Variants in ARID2 observed in about 807,000 individuals in gnomAD.
ARID2 encodes AT-rich interaction domain 2, also known as AT-rich interactive domain-containing protein 2.
In ARID2, 32 loss-of-function variants were observed where a neutral mutation model predicts 184.6. The observed-to-expected ratio is 0.17, with a 90% confidence interval of 0.13 to 0.23. ARID2 has a LOEUF of 0.23. ARID2 is among the 10% of genes least tolerant of loss of function. ARID2 has a pLI of 1.00. For missense variants in ARID2, 1,696 were observed against 2,197.6 expected (o/e 0.77, Z 4.56); for synonymous variants, 836 against 772.6 (o/e 1.08, Z -1.36).
intron 16 of ARID2, among the ~76,000 whole-genome samples, chr12:45,888,086 C>G (rs1051786680): frequency 6.6e-6 from 1 of 151,710 alleles, no homozygotes; most frequent in Non-Finnish European, 1.5e-5. Flanking sequence ...TCCCAGCTAC[C>G]CAGGAGGCTG....
intron 6 of ARID2, among the ~76,000 whole-genome samples, chr12:45,827,717 C>A (rs757187864): frequency 4.6e-5 from 7 of 151,910 alleles, no homozygotes; most frequent in Admixed American, 3.3e-4. Context: ...TAATAGGTGA[C>A]CAGCACTGCA....
chr12:45,872,634 C>T (rs966664408), intron 16 of ARID2, among the ~76,000 whole-genome samples: 4 of 152,172 alleles, frequency 2.6e-5, no homozygotes, highest in African/African-American at 7.2e-5. Context: ...CGTCAGATCT[C>T]GTGAGAACTC....
intron 5 of ARID2, among the ~76,000 whole-genome samples, chr12:45,818,531 A>G (rs1942845280): frequency 6.6e-6 from 1 of 152,094 alleles, no homozygotes; most frequent in South Asian, 2.1e-4. Context: ...AGTTATTGGT[A>G]TAAAGTTATT....
intron 16 of ARID2, among the ~76,000 whole-genome samples, chr12:45,870,668 GT>G (rs1391859095): frequency 6.6e-6 from 1 of 151,840 alleles, no homozygotes; most frequent in Non-Finnish European, 1.5e-5. Context: ...TATTTCTATA[GT>G]TTTCATTTTT....
intron 3 of ARID2, among the ~76,000 whole-genome samples, chr12:45,790,119 A>AAATTATTC (rs1338318946): frequency 1.3e-5 from 2 of 152,152 alleles, no homozygotes; most frequent in Non-Finnish European, 2.9e-5. Flanking sequence ...TTCCATTTTT[A>AAATTATTC]AATTATTCAG....
chr12:45,855,175 T>G (rs1186938094), intron 15 of ARID2, among the ~76,000 whole-genome samples: 1 of 152,244 alleles, frequency 6.6e-6, no homozygotes, highest in Non-Finnish European at 1.5e-5. Context: ...TGTGGTGTTA[T>G]GAGATGTTCT....
chr12:45,800,831 G>A (rs1309201712), intron 3 of ARID2, among the ~76,000 whole-genome samples: 3 of 152,126 alleles, frequency 2.0e-5, no homozygotes, highest in Non-Finnish European at 2.9e-5. Flanking sequence ...CCAAATCTGG[G>A]ACACTGTCTA....
chr12:45,832,433 T>C (rs1409941320), intron 6 of ARID2, among the ~76,000 whole-genome samples: 1 of 152,154 alleles, frequency 6.6e-6, no homozygotes, highest in East Asian at 1.9e-4. Context: ...GGAGAGTTTT[T>C]CACAATCACT....
At chr12:45,803,159 C>G (rs1942538091) in intron 3 of ARID2, among the ~76,000 whole-genome samples, 1 of 152,000 alleles carries the variant, frequency 6.6e-6, no homozygotes, top group Admixed American at 6.6e-5. Flanking sequence ...AAAAGTAGTT[C>G]TTTGTGAATT....
chr12:45,810,423 A>G (rs1942685399), intron 3 of ARID2, among the ~76,000 whole-genome samples: 1 of 152,192 alleles, frequency 6.6e-6, no homozygotes, highest in African/African-American at 2.4e-5. Context: ...CAGTTTGGCT[A>G]TATTGATGTT....
intron 20 of ARID2, among the ~76,000 whole-genome samples, chr12:45,901,154 ATTTTTTTTTTTTTTTTTTTTTTT>A (rs71067909): frequency 2.2e-5 from 1 of 44,974 alleles, no homozygotes; most frequent in Non-Finnish European, 3.5e-5. Flanking sequence ...AATTTCCTTA[ATTTTTTTTTTTTTTTTTTTTTTT>A]TTTTTTTTTT....
At chr12:45,753,423 G>A (rs534434461) in intron 3 of ARID2, among the ~76,000 whole-genome samples, 1 of 152,102 alleles carries the variant, frequency 6.6e-6, no homozygotes, top group Non-Finnish European at 1.5e-5. Context: ...TGTGACCTTG[G>A]GCAAGTTACT....
At chr12:45,730,954 T>G (rs754665819) in intron 2 of ARID2, among the ~76,000 whole-genome samples, 1 of 150,362 alleles carries the variant, frequency 6.7e-6, no homozygotes, top group Admixed American at 6.6e-5. Context: ...TGCGATTGGT[T>G]ATTGTCCGGG....
Position 45,849,640 on chromosome 12 carries a change from ACATATT to A in ARID2, c.1780_1785del (p.Ile594_His595del). ...AGGATTCCAGTAGCAATGGGCAGGC[ACATATT>A]CATGTGGTAGGAGTAAAACGGAGGG... On this transcript the variant is annotated inframe_deletion, in exon 14 of 21. Coordinates refer to ENST00000334344, the MANE Select transcript of ARID2 (RefSeq NM_152641.4). 12 of 1,613,784 alleles carry A rather than the reference ACATATT, an allele frequency of 7.4e-6. No individual in the cohort carries two copies. The highest frequency in any genetic ancestry group is 1.0e-5 in the Non-Finnish European group (12 of 1,179,748).
In ARID2 at chr12:45,884,603, C is replaced by T. The variant is rs181067115; in HGVS notation, c.4923-7177C>T. 4.5e-3 allele frequency among the ~76,000 whole-genome samples: 687 copies of T among 152,078 alleles called. 2 individuals carry two copies. Among genetic ancestry groups the T allele is most frequent in the African/African-American group, 0.015 (641 of 41,482 alleles). ...TAAAATAAGTGACTGCTTCACAGAC[C>T]GGCGGGTTAATAGCACTTGATGTGG... On this transcript the variant is annotated intron_variant, in intron 16 of 20. Transcript: ENST00000334344.
At chr12:45,859,924 G>T (rs1316063322) in intron 15 of ARID2, among the ~76,000 whole-genome samples, 1 of 152,192 alleles carries the variant, frequency 6.6e-6, no homozygotes, top group Non-Finnish European at 1.5e-5. Flanking sequence ...CAGAGATGGG[G>T]TTTCGCCATG....
intron 3 of ARID2, among the ~76,000 whole-genome samples, chr12:45,741,877 CTGGGGAAAAAATTATTTT>C (rs1224397540): frequency 6.6e-6 from 1 of 152,112 alleles, no homozygotes; most frequent in Admixed American, 6.5e-5. Flanking sequence ...GAGAACAGAA[CTGGGGAAAAAATTATTTT>C]GTCTGTAAAT....
intron 3 of ARID2, among the ~76,000 whole-genome samples, chr12:45,776,781 C>CTTTT (rs745431917): frequency 7.1e-5 from 8 of 112,428 alleles, no homozygotes; most frequent in Non-Finnish European, 1.1e-4. Context: ...GAGATTCCGG[C>CTTTT]TTTTTTTTTT....
chr12:45,751,782 A>T (rs1312509840), intron 3 of ARID2, among the ~76,000 whole-genome samples: 1 of 152,246 alleles, frequency 6.6e-6, no homozygotes, highest in East Asian at 1.9e-4. Flanking sequence ...CCCCATGGTA[A>T]GTATTTGTGT....
Sources: allele counts gnomAD v4.1 joint callset (sites outside exome capture counted in the v4.1 genomes callset), GRCh38; gene constraint gnomAD v4.1.1; transcripts MANE v1.5; gene names NCBI Gene and HGNC (gene_info 2026-07-23, HGNC 2026-07-21).